PKHD1: variants seen among roughly 807,000 people sequenced by gnomAD.
PKHD1 encodes the protein fibrocystin.
In PKHD1, 291 loss-of-function variants were observed where a neutral mutation model predicts 412.0. The observed-to-expected ratio is 0.71, with a 90% CI of 0.64 to 0.78. PKHD1 has a LOEUF of 0.78. Among genes scored for constraint, PKHD1 ranks in the 30% least tolerant of loss-of-function variants. PKHD1 has a pLI of 0.00. For missense variants in PKHD1, 4,825 were observed against 4,950.7 expected (o/e 0.97, Z 0.76); for synonymous variants, 1,777 against 1,821.5 (o/e 0.98, Z 0.62).
At chr6:51,874,301 G>A (rs1776490787) in intron 46 of PKHD1, among the ~76,000 whole-genome samples, 1 of 152,232 alleles carries the variant, frequency 6.6e-6, no homozygotes, top group East Asian at 1.9e-4. Context: ...GTGTGAAAGG[G>A]TATGTTAATT....
chr6:51,955,951 T>A (rs912182506), intron 36 of PKHD1, among the ~76,000 whole-genome samples: 1 of 151,888 alleles, frequency 6.6e-6, no homozygotes, highest in Non-Finnish European at 1.5e-5. Context: ...ATTTGGAGGG[T>A]GAGTTACTGT....
intron 29 of PKHD1, among the ~76,000 whole-genome samples, chr6:52,031,987 C>T (rs1368256736): frequency 6.6e-6 from 1 of 152,052 alleles, no homozygotes; most frequent in Non-Finnish European, 1.5e-5. Context: ...TTATTAAAAG[C>T]CAAAATCACT....
chr6:51,715,601 G>C (rs1251752809), intron 60 of PKHD1, among the ~76,000 whole-genome samples: 2 of 152,068 alleles, frequency 1.3e-5, no homozygotes, highest in African/African-American at 4.8e-5. Flanking sequence ...AATGGGTTTT[G>C]GTCTTTTTGA....
At chr6:51,759,039 T>A (rs563377084) in intron 55 of PKHD1, among the ~76,000 whole-genome samples, 6 of 152,274 alleles carry the variant, frequency 3.9e-5, no homozygotes, top group South Asian at 2.1e-4. Context: ...GGAATAGGGA[T>A]GGCCACAGAT....
At chr6:51,645,263 T>C (rs1384137604) in intron 63 of PKHD1, among the ~76,000 whole-genome samples, 2 of 152,214 alleles carry the variant, frequency 1.3e-5, no homozygotes, top group East Asian at 3.9e-4. Context: ...TATTATAATA[T>C]ACAAATATCA....
chr6:51,870,631 C>T lies in PKHD1; in HGVS notation c.7359G>A (p.Leu2453=). Residue 2453 remains leucine, a synonymous_variant, in exon 47 of 67, where the codon CTG becomes CTA. Transcript: ENST00000371117. The part of the protein sequence containing the change: ...LLGHFAHKGS[L]CMSSGIKTPK... The stretch of plus-strand genomic sequence containing the variant: ...GAGTTTTAATCCCAGATGACATACA[C>T]AGACTTCCCTGTGATTTAAAAGAAA... 1.2e-6 allele frequency: 2 copies of T among 1,609,208 alleles called. No individual in the cohort carries two copies. The highest frequency in any genetic ancestry group is 1.7e-6 in the Non-Finnish European group (2 of 1,175,766).
At chr6:51,767,562 C>T (rs1789305245) in intron 55 of PKHD1, among the ~76,000 whole-genome samples, 1 of 152,012 alleles carries the variant, frequency 6.6e-6, no homozygotes, top group Admixed American at 6.6e-5. Context: ...TGAGAACATG[C>T]AGTGTTTGGT....
At chr6:51,938,950 T>A (rs1787977273) in intron 36 of PKHD1, among the ~76,000 whole-genome samples, 1 of 151,626 alleles carries the variant, frequency 6.6e-6, no homozygotes, top group African/African-American at 2.4e-5. Context: ...CCTTTCCTTT[T>A]CTGGTGATGC....
At position 51,627,057 on chromosome 6, in the gene PKHD1, T is replaced by C. The variant is rs368639970; in HGVS notation, c.11725A>G (p.Ile3909Val). The change falls in exon 66 of 67, where the codon ATC becomes GTC. Residue 3909 changes from isoleucine (I) to valine (V), a missense_variant. Coordinates refer to ENST00000371117, the MANE Select transcript of PKHD1 (RefSeq NM_138694.4). Reference sequence around the variant, plus strand: ...TGTGATTCTCGGCGTTTGGATGAGATGTGGATATGAATATTTTGATTATTA... The same window carrying C: ...TGTGATTCTCGGCGTTTGGATGAGACGTGGATATGAATATTTTGATTATTA... The part of the protein sequence containing the change: ...QTNNQNIHIH[I>V]SSKRRESQGP... The C allele has an allele frequency of 6.2e-7, 1 of 1,610,800 alleles. No individual in the cohort carries two copies. The highest frequency in any genetic ancestry group is 1.3e-5 in the African/African-American group (1 of 74,924).
chr6:51,979,839 G>T (rs1794917962), intron 35 of PKHD1, among the ~76,000 whole-genome samples: 2 of 152,146 alleles, frequency 1.3e-5, no homozygotes, highest in Non-Finnish European at 2.9e-5. Context: ...GTATGCACGT[G>T]TTTTTTCTCT....
intron 52 of PKHD1, among the ~76,000 whole-genome samples, chr6:51,822,330 A>C (rs994106250): frequency 6.6e-6 from 1 of 152,202 alleles, no homozygotes; most frequent in African/African-American, 2.4e-5. Context: ...TTTATTCTCA[A>C]GCAATTTCCA....
chr6:51,619,309 C>T lies in PKHD1; in HGVS notation c.11997G>A (p.Trp3999Ter). 6.2e-7 allele frequency: 1 copy of T among 1,614,258 alleles called. No homozygotes were observed. The highest frequency in any genetic ancestry group is 8.5e-7 in the Non-Finnish European group (1 of 1,180,042). ...TGAGCAACTGCTCTTGGCCCTCCTT[C>T]CAGTTCCCAGTCTCTTGCAGGTACA... Reference protein sequence around the residue: ...QQVYLQETGNWKEGQEQLLRY... With the variant: ...QQVYLQETGN Residue 3999 changes from tryptophan (W) to a stop codon, truncating the protein, a stop_gained, in exon 67 of 67, where the codon TGG (tryptophan) becomes TGA (stop). Coordinates refer to ENST00000371117, the MANE Select transcript of PKHD1 (RefSeq NM_138694.4). LOFTEE classifies it low-confidence loss of function (END_TRUNC).
intron 35 of PKHD1, among the ~76,000 whole-genome samples, chr6:51,982,573 G>A (rs1368870741): frequency 6.9e-6 from 1 of 144,038 alleles, no homozygotes; most frequent in Non-Finnish European, 1.5e-5. Context: ...ATTAAGGGCG[G>A]TGCAAGATGT....
chr6:52,087,076 A>G (rs1212766921), intron 1 of PKHD1, among the ~76,000 whole-genome samples: 2 of 152,252 alleles, frequency 1.3e-5, no homozygotes, highest in African/African-American at 4.8e-5. Flanking sequence ...TTGGAACTGC[A>G]TCTTTTTCAT....
chr6:51,796,850 A>C, intron 52 of PKHD1, among the ~76,000 whole-genome samples: 1 of 140,908 alleles, frequency 7.1e-6, no homozygotes, highest in South Asian at 2.2e-4. Context: ...GAGTCTCATC[A>C]CTCTGTCACC....
intron 57 of PKHD1, among the ~76,000 whole-genome samples, chr6:51,750,110 A>C (rs535491658): frequency 6.6e-6 from 1 of 152,294 alleles, no homozygotes; most frequent in East Asian, 1.9e-4. Context: ...ATCGGCTGCC[A>C]TGAAGAAGCA....
chr6:51,669,575 T>C (rs1774532053), intron 60 of PKHD1, among the ~76,000 whole-genome samples: 2 of 136,144 alleles, frequency 1.5e-5, no homozygotes, highest in Admixed American at 1.5e-4. Flanking sequence ...TAGTTATTTC[T>C]TGCCTTCTGC....
chr6:51,651,463 AG>A (rs1770954633), intron 61 of PKHD1, among the ~76,000 whole-genome samples: 1 of 152,130 alleles, frequency 6.6e-6, no homozygotes, highest in Non-Finnish European at 1.5e-5. Flanking sequence ...AGGGGGTGAA[AG>A]GTCATCAAAT....
At chr6:51,912,614 A>T (rs772250136) in intron 37 of PKHD1, 38 bp from the exon 38 acceptor site, 2 of 1,307,184 alleles carry the variant, frequency 1.5e-6, no homozygotes, top group South Asian at 2.4e-5. Flanking sequence ...AGATAATTTA[A>T]TCATTAATCA....
Sources: gnomAD v4.1 joint callset for allele counts (sites outside exome capture counted in the v4.1 genomes callset) on GRCh38, gnomAD v4.1.1 for gene constraint, MANE v1.5 for transcripts, NCBI Gene and HGNC (gene_info 2026-07-23, HGNC 2026-07-21) for gene names.